Variants in ZSWIM6 observed in about 807,000 individuals in gnomAD.
ZSWIM6 encodes zinc finger SWIM domain-containing protein 6.
Under a neutral mutation model 113.2 loss-of-function variants are expected in ZSWIM6, and 9 were observed. The observed-to-expected ratio is 0.08, with a 90% CI of 0.05 to 0.14. ZSWIM6 has a LOEUF of 0.14. Among genes scored for constraint, ZSWIM6 ranks in the 10% least tolerant of loss-of-function variants. The probability of loss-of-function intolerance (pLI) is 1.00; values close to 1 mark genes in which losing one functional copy is unlikely to be tolerated. For synonymous variants in ZSWIM6, 611 were observed against 606.5 expected, an observed-to-expected ratio of 1.01 and a Z score of -0.11; for missense variants, 1,162 against 1,552.2, an observed-to-expected ratio of 0.75 and a Z score of 4.22.
chr5:61,493,245 C>G (rs1748226808), intron 3 of ZSWIM6, among the ~76,000 whole-genome samples: 1 of 152,024 alleles, frequency 6.6e-6, no homozygotes, highest in Non-Finnish European at 1.5e-5. Context: ...TTTCTTTTAC[C>G]ATTGCAAAAA....
At position 61,540,916 on chromosome 5, in the gene ZSWIM6, GTTT is replaced by G. The variant is rs34749703; in HGVS notation, c.2704-949_2704-947del. On this transcript the variant is annotated intron_variant, in intron 12 of 13. Transcript: ENST00000252744. ...TATGATGTCCCTGGATATTTTGTGG[GTTT>G]TTTTTTTTTTTTTTTTTTGTTGTTG... is the stretch of plus-strand genomic sequence containing the variant. Among the ~76,000 whole-genome samples the G allele has an allele frequency of 1.1e-3, 104 of 94,584 alleles. 1 individual carries two copies. The highest frequency in any genetic ancestry group is 6.7e-3 in the Middle Eastern group (1 of 150). 62.1% of individuals were successfully genotyped at this position (94,584 alleles called of 152,430 possible).
intron 5 of ZSWIM6, among the ~76,000 whole-genome samples, chr5:61,523,190 C>T (rs1243224850): frequency 6.6e-6 from 1 of 152,204 alleles, no homozygotes; most frequent in Admixed American, 6.5e-5. Context: ...GTGCCCTTCC[C>T]TGTAAAGCTC....
intron 1 of ZSWIM6, among the ~76,000 whole-genome samples, chr5:61,345,664 G>A (rs1313974856): frequency 6.6e-6 from 1 of 152,188 alleles, no homozygotes; most frequent in Non-Finnish European, 1.5e-5. Context: ...CTTATCCAGT[G>A]AGTAGTGGTG....
chr5:61,390,693 C>T (rs939356571), intron 1 of ZSWIM6: 21 of 864,088 alleles, frequency 2.4e-5, no homozygotes, highest in Non-Finnish European at 3.3e-5. Context: ...CTTTGCAATT[C>T]GGTCTTTCTT....
At chr5:61,346,442 C>T (rs1328116433) in intron 1 of ZSWIM6, among the ~76,000 whole-genome samples, 2 of 152,162 alleles carry the variant, frequency 1.3e-5, no homozygotes, top group Admixed American at 1.3e-4. Context: ...GATAGATTGT[C>T]AGCTGACCTA....
chr5:61,373,895 ATTC>A (rs1293529747), intron 1 of ZSWIM6, among the ~76,000 whole-genome samples: 1 of 152,188 alleles, frequency 6.6e-6, no homozygotes, highest in African/African-American at 2.4e-5. Context: ...TTGTAAAATT[ATTC>A]TTCATTTTAA....
intron 1 of ZSWIM6, among the ~76,000 whole-genome samples, chr5:61,400,941 GTTAGATGTAAT>G (rs1561223374): frequency 6.6e-6 from 1 of 152,114 alleles, no homozygotes; most frequent in Non-Finnish European, 1.5e-5. Flanking sequence ...TTTATTCTTG[GTTAGATGTAAT>G]TTAGATGTAA....
intron 1 of ZSWIM6, among the ~76,000 whole-genome samples, chr5:61,341,972 C>T (rs1014284841): frequency 1.2e-4 from 18 of 150,904 alleles, no homozygotes; most frequent in African/African-American, 4.1e-4. Flanking sequence ...CTCTGCCTCC[C>T]GGGTTCAAGC....
intron 4 of ZSWIM6, among the ~76,000 whole-genome samples, chr5:61,501,843 A>G (rs923087299): frequency 3.3e-5 from 5 of 152,222 alleles, no homozygotes; most frequent in African/African-American, 7.2e-5. Context: ...AGTGGTTAAT[A>G]GGAATGTCAT....
chr5:61,337,152 C>T (rs1450767602), intron 1 of ZSWIM6, among the ~76,000 whole-genome samples: 1 of 151,868 alleles, frequency 6.6e-6, no homozygotes, highest in Non-Finnish European at 1.5e-5. Context: ...CGGTTGCGGG[C>T]GTCTGTAATC....
At chr5:61,427,655 T>A (rs931317150) in intron 1 of ZSWIM6, among the ~76,000 whole-genome samples, 29 of 152,116 alleles carry the variant, frequency 1.9e-4, no homozygotes, top group African/African-American at 6.8e-4. Context: ...ATTTTTATTT[T>A]TTTTTTGTAG....
At chr5:61,418,274 A>T (rs973438834) in intron 1 of ZSWIM6, among the ~76,000 whole-genome samples, 5 of 151,992 alleles carry the variant, frequency 3.3e-5, no homozygotes, top group Non-Finnish European at 5.9e-5. Flanking sequence ...TTATTTATTT[A>T]TTTATTTTTT....
intron 1 of ZSWIM6, among the ~76,000 whole-genome samples, chr5:61,373,191 C>T (rs1296151454): frequency 6.6e-6 from 1 of 152,082 alleles, no homozygotes; most frequent in Non-Finnish European, 1.5e-5. Context: ...AAGCAGTCCT[C>T]CCACCTTGGC....
intron 2 of ZSWIM6, among the ~76,000 whole-genome samples, chr5:61,483,636 AG>A (rs1197672109): frequency 1.3e-5 from 2 of 151,372 alleles, no homozygotes; most frequent in Non-Finnish European, 2.9e-5. Context: ...TGGGAGGCCG[AG>A]GTGGGCAGAT....
intron 1 of ZSWIM6, among the ~76,000 whole-genome samples, chr5:61,467,254 C>T (rs969536752): frequency 3.9e-5 from 6 of 152,226 alleles, no homozygotes; most frequent in Middle Eastern, 3.4e-3. Flanking sequence ...TATCAAATAA[C>T]AGTAATAAAC....
At chr5:61,540,250 G>A (rs566850535) in intron 12 of ZSWIM6, among the ~76,000 whole-genome samples, 7 of 152,266 alleles carry the variant, frequency 4.6e-5, no homozygotes, top group Non-Finnish European at 8.8e-5. Flanking sequence ...CCAGAGTCCA[G>A]TTTTAGATTT....
At chr5:61,390,304 C>T (rs1745679819) in intron 1 of ZSWIM6, among the ~76,000 whole-genome samples, 1 of 152,190 alleles carries the variant, frequency 6.6e-6, no homozygotes, top group East Asian at 1.9e-4. Flanking sequence ...TCCTCTTGTG[C>T]CTTTTATAAG....
At position 61,472,443 on chromosome 5, in the gene ZSWIM6, C is replaced by T. The variant is rs1388306765; in HGVS notation, c.677-238C>T. Among the ~76,000 whole-genome samples, 1 of 152,152 alleles carries T rather than the reference C, an allele frequency of 6.6e-6. No homozygotes were observed. The highest frequency in any genetic ancestry group is 1.5e-5 in the Non-Finnish European group (1 of 68,030). ...GGTGTTGTATGGCAATATATGTTTT[C>T]ATATGGCTGTGTAAAATACTTCAGC... On this transcript the variant is annotated intron_variant, in intron 1 of 13. Transcript: ENST00000252744. The surrounding 1 kb of genome is among the most constrained non-coding windows in gnomAD (Gnocchi z 4.1).
chr5:61,399,812 G>A (rs1414822657), intron 1 of ZSWIM6, among the ~76,000 whole-genome samples: 1 of 152,218 alleles, frequency 6.6e-6, no homozygotes, highest in Non-Finnish European at 1.5e-5. Flanking sequence ...CTGATACCTG[G>A]AGTGAAAAGA....
Sources: allele counts gnomAD v4.1 joint callset (sites outside exome capture counted in the v4.1 genomes callset), GRCh38; gene constraint gnomAD v4.1.1; non-coding constraint Gnocchi (gnomAD v3.1); transcripts MANE v1.5; gene names NCBI Gene and HGNC (gene_info 2026-07-23, HGNC 2026-07-21).